AFF4: variants seen among roughly 807,000 people sequenced by gnomAD.
AFF4 encodes the protein AF4/FMR2 family member 4.
Under a neutral mutation model 124.8 loss-of-function variants are expected in AFF4, and 13 were observed. That is an observed-to-expected ratio of 0.10 (90% CI 0.07 to 0.17). The LOEUF is 0.17. Ranked by LOEUF, AFF4 falls within the 10% of genes least tolerant of loss-of-function variation. AFF4 has a pLI of 1.00. For missense variants in AFF4, 1,092 were observed against 1,403.8 expected, an observed-to-expected ratio of 0.78 and a Z score of 3.55; for synonymous variants, 477 against 496.1, an observed-to-expected ratio of 0.96 and a Z score of 0.51.
intron 11 of AFF4, among the ~76,000 whole-genome samples, chr5:132,895,200 TATG>T (rs146332348): frequency 0.016 from 2,374 of 152,274 alleles, 69 homozygotes; most frequent in African/African-American, 0.055. Context: ...ATCTCTATAC[TATG>T]ATAATGGAAA....
chr5:132,942,073 T>C (rs1485483503), intron 1 of AFF4, among the ~76,000 whole-genome samples: 2 of 151,822 alleles, frequency 1.3e-5, no homozygotes, highest in African/African-American at 4.8e-5. Context: ...CTCTGTCTCC[T>C]ACCTGGAGAT....
chr5:132,931,106 CA>C (rs35923089), intron 4 of AFF4, among the ~76,000 whole-genome samples: 342 of 96,812 alleles, frequency 3.5e-3, no homozygotes, highest in African/African-American at 8.4e-3. Flanking sequence ...AACTCTGGCT[CA>C]AAAAAAAAAA....
At chr5:132,963,126 G>A (rs1317478434) in intron 1 of AFF4, 133 bp downstream of exon 1, 1 of 345,926 alleles carries the variant, frequency 2.9e-6, no homozygotes, top group Non-Finnish European at 5.2e-6. Flanking sequence ...GGTGACGCCT[G>A]ATTGAGCAGC....
chr5:132,897,384 C>G (rs1327324181), intron 10 of AFF4, 144 bp from the exon 11 acceptor site: 3 of 848,006 alleles, frequency 3.5e-6, no homozygotes, highest in Non-Finnish European at 5.5e-6. Context: ...AAGCAAAGGG[C>G]TGAGTATTGA....
chr5:132,952,561 T>C (rs547715605), intron 1 of AFF4, among the ~76,000 whole-genome samples: 4 of 152,326 alleles, frequency 2.6e-5, no homozygotes, highest in Middle Eastern at 3.4e-3. Context: ...CTTATTCTCG[T>C]TCATTTTATA....
At chr5:132,958,465 C>CAAAAAAAAAAAA (rs34337170) in intron 1 of AFF4, among the ~76,000 whole-genome samples, 3 of 55,708 alleles carry the variant, frequency 5.4e-5, no homozygotes, top group African/African-American at 2.6e-4. Flanking sequence ...GACCCTGTCT[C>CAAAAAAAAAAAA]AAAAAAAAAA....
At chr5:132,920,207 G>A (rs950779560) in intron 5 of AFF4, among the ~76,000 whole-genome samples, 2 of 151,846 alleles carry the variant, frequency 1.3e-5, no homozygotes, top group East Asian at 3.9e-4. Flanking sequence ...CCGCCACCAT[G>A]TCTGGCTAAT....
chr5:132,885,159 C>T lies in AFF4; in HGVS notation c.3100-40G>A. On this transcript the variant is annotated intron_variant, in intron 18 of 20. Transcript: ENST00000265343. ...AAATGTACTTAACAACAACAAAAAC[C>T]ACCACTACTTTAAGAAGTTCTAAAT... 4 of 1,447,066 alleles carry T rather than the reference C, an allele frequency of 2.8e-6. No homozygotes were observed. In the South Asian group the frequency reaches 5.0e-5, roughly 18 times the overall value. The allele number at this position is 1,447,066 out of a possible 1,614,324, so 89.6% of individuals were successfully genotyped here.
At position 132,934,885 on chromosome 5, in the gene AFF4, A is replaced by G. The variant is rs1019841391; in HGVS notation, c.180T>C (p.Asp60=). The part of the protein sequence containing the change: ...SRIQSMLGNY[D]EMKDFIGDRS... ...TGTCTCCTATGAAATCCTTCATTTC[A>G]TCGTAGTTTCCAAGCATACTCTGAA... is the stretch of plus-strand genomic sequence containing the variant. Residue 60 remains aspartate, a synonymous_variant, in exon 3 of 21, where the codon GAT becomes GAC. Transcript: ENST00000265343. 9.9e-6 allele frequency: 16 copies of G among 1,613,802 alleles called. No individual in the cohort carries two copies. Among genetic ancestry groups the G allele is most frequent in the Non-Finnish European group, 1.3e-5 (15 of 1,179,936 alleles).
chr5:132,907,084 C>T (rs980868814), intron 5 of AFF4, among the ~76,000 whole-genome samples: 2 of 152,126 alleles, frequency 1.3e-5, no homozygotes, highest in African/African-American at 4.8e-5. Context: ...TGACAATAGT[C>T]AGCAGGTCCA....
chr5:132,933,130 G>C (rs1209726808), intron 3 of AFF4, among the ~76,000 whole-genome samples: 1 of 152,110 alleles, frequency 6.6e-6, no homozygotes, highest in Non-Finnish European at 1.5e-5. Flanking sequence ...AGGCGCGGTG[G>C]CTCACGCCTG....
intron 1 of AFF4, among the ~76,000 whole-genome samples, chr5:132,954,471 C>CG (rs1428050182): frequency 6.6e-6 from 1 of 151,794 alleles, no homozygotes; most frequent in Admixed American, 6.6e-5. Flanking sequence ...AACCCCATAC[C>CG]GGCTCATGGC....
rs1760498374 is a variant in AFF4, at chr5:132,899,623, T to C, written c.1152A>G (p.Leu384=). Residue 384 remains leucine, a synonymous_variant, in exon 8 of 21, where the codon TTA becomes TTG. Coordinates refer to ENST00000265343, the MANE Select transcript of AFF4 (RefSeq NM_014423.4). ...HQSKSMLKDD[L]KLSSSEDSDG... ...CACTGTCTTCACTGCTGCTTAGTTT[T>C]AAGTCATCTTTTAACATACTAGAGG... is the stretch of plus-strand genomic sequence containing the variant. 5.0e-6 allele frequency: 8 copies of C among 1,612,208 alleles called. No homozygotes were observed. The East Asian group carries it at 1.8e-4, about 36-fold the overall frequency.
intron 1 of AFF4, among the ~76,000 whole-genome samples, chr5:132,942,544 A>G (rs971482649): frequency 2.0e-5 from 3 of 151,210 alleles, no homozygotes; most frequent in Admixed American, 6.6e-5. Context: ...GGCTCACCAC[A>G]ACCTTCGCCT....
At chr5:132,898,435 A>G (rs1231086597) in intron 9 of AFF4, 43 bp from the exon 10 acceptor site, 1 of 1,571,832 alleles carries the variant, frequency 6.4e-7, no homozygotes, top group Non-Finnish European at 8.6e-7. Context: ...TTTATTTTAC[A>G]TTGACAACAG....
intron 5 of AFF4, among the ~76,000 whole-genome samples, chr5:132,915,201 C>T (rs560255037): frequency 4.6e-5 from 7 of 151,978 alleles, no homozygotes; most frequent in Admixed American, 1.3e-4. Context: ...ATTAGCTGGG[C>T]GTGGTGGCGC....
At position 132,893,025 on chromosome 5, in the gene AFF4, C is replaced by T. The variant is rs778701766; in HGVS notation, c.2396+5G>A. On this transcript the variant is annotated splice_donor_5th_base_variant and intron_variant, in intron 12 of 20. Transcript: ENST00000265343. ...ACTGGCATGCAACATGTTTTGGGAA[C>T]GTACTCTCTGTTGCTGGATGGCTTA... 3.7e-6 allele frequency: 6 copies of T among 1,613,592 alleles called. No individual in the cohort carries two copies. Among genetic ancestry groups the T allele is most frequent in the Non-Finnish European group, 4.2e-6 (5 of 1,179,718 alleles).
At chr5:132,941,747 C>T (rs934978376) in intron 1 of AFF4, among the ~76,000 whole-genome samples, 1 of 151,986 alleles carries the variant, frequency 6.6e-6, no homozygotes, top group African/African-American at 2.4e-5. Context: ...GTGGCTCACG[C>T]CTGCAATCCC....
intron 8 of AFF4, 139 bp downstream of exon 8, chr5:132,899,447 AG>A: frequency 1.2e-6 from 1 of 859,804 alleles, no homozygotes; most frequent in East Asian, 2.9e-5. Context: ...AAAACAGAGA[AG>A]AAAACTACAA....
Sources: allele counts gnomAD v4.1 joint callset (sites outside exome capture counted in the v4.1 genomes callset), GRCh38; gene constraint gnomAD v4.1.1; transcripts MANE v1.5; gene names NCBI Gene and HGNC (gene_info 2026-07-23, HGNC 2026-07-21).